The following LINGO2 variants were observed in gnomAD, a reference collection of about 807,000 sequenced individuals.
LINGO2 encodes leucine rich repeat and Ig domain containing 2, also known as leucine-rich repeat and immunoglobulin-like domain-containing nogo receptor-interacting protein 2.
In LINGO2, 14 loss-of-function variants were observed where a neutral mutation model predicts 30.6. The ratio of observed to expected loss-of-function variants is 0.46; its 90% confidence interval spans 0.30 to 0.72. The LOEUF (loss-of-function observed/expected upper bound fraction) is 0.72, where lower values mean the gene tolerates loss of function less well. LINGO2 is among the 30% of genes least tolerant of loss of function. The probability of loss-of-function intolerance (pLI) is 0.07; values close to 1 mark genes in which losing one functional copy is unlikely to be tolerated. For synonymous variants in LINGO2, 317 were observed against 288.5 expected, an observed-to-expected ratio of 1.10 and a Z score of -1.00; for missense variants, 729 against 751.7, an observed-to-expected ratio of 0.97 and a Z score of 0.35.
chr9:29,159,559 T>G, the LINGO2 span, among the ~76,000 whole-genome samples: 1 of 152,140 alleles, frequency 6.6e-6, no homozygotes, highest in Non-Finnish European at 1.5e-5. Context: ...AAGTAACATT[T>G]TAAGAGTACT....
intron 1 of LINGO2, among the ~76,000 whole-genome samples, chr9:28,606,970 C>T (rs1218036223): frequency 1.3e-5 from 2 of 151,996 alleles, no homozygotes. Context: ...TTAGGAGCCC[C>T]TTATTTGTTC....
At chr9:28,093,640 TG>T (rs1455441913) in intron 4 of LINGO2, among the ~76,000 whole-genome samples, 1 of 152,062 alleles carries the variant, frequency 6.6e-6, no homozygotes, top group Admixed American at 6.6e-5. Context: ...CTTTTGTTCC[TG>T]GAAAATGGCT....
intron 1 of LINGO2, among the ~76,000 whole-genome samples, chr9:28,592,907 C>T (rs1315153159): frequency 6.6e-6 from 1 of 152,090 alleles, no homozygotes; most frequent in African/African-American, 2.4e-5. Flanking sequence ...CATCTATTGG[C>T]TCTCTGCCAC....
chr9:28,688,600 T>A, the LINGO2 span, among the ~76,000 whole-genome samples: 36 of 152,276 alleles, frequency 2.4e-4, no homozygotes, highest in African/African-American at 7.9e-4. Context: ...TTCAAAAGCC[T>A]AAAAGCTGTG....
the LINGO2 span, among the ~76,000 whole-genome samples, chr9:28,811,891 G>A: frequency 6.6e-6 from 1 of 152,110 alleles, no homozygotes; most frequent in East Asian, 1.9e-4. Context: ...ATCCATGAGA[G>A]CAAGGAACTC....
At chr9:28,357,568 T>C (rs757024837) in intron 3 of LINGO2, among the ~76,000 whole-genome samples, 1 of 152,060 alleles carries the variant, frequency 6.6e-6, no homozygotes, top group South Asian at 2.1e-4. Flanking sequence ...TATAACCATA[T>C]AGTATAAGCA....
the LINGO2 span, among the ~76,000 whole-genome samples, chr9:29,055,217 T>TCAA: frequency 7.1e-3 from 1,081 of 151,576 alleles, 10 homozygotes; most frequent in Non-Finnish European, 0.01. Flanking sequence ...AGACTCCATC[T>TCAA]CAACAACAAC....
At chr9:28,796,330 T>A in the LINGO2 span, among the ~76,000 whole-genome samples, 6 of 152,094 alleles carry the variant, frequency 3.9e-5, no homozygotes, top group African/African-American at 1.4e-4. Context: ...TGAATACAAC[T>A]TTGAATATAT....
the LINGO2 span, among the ~76,000 whole-genome samples, chr9:28,814,479 T>C: frequency 7.2e-5 from 11 of 152,182 alleles, no homozygotes; most frequent in Non-Finnish European, 1.3e-4. Context: ...GCCATGTCTC[T>C]TGCCAAGGTA....
At position 28,221,110 on chromosome 9, in the gene LINGO2, T is replaced by A. The variant is rs1455044425; in HGVS notation, c.-87+74098A>T. 1.3e-5 allele frequency among the ~76,000 whole-genome samples: 2 copies of A among 151,870 alleles called. 1 individual carries two copies. The highest frequency in any genetic ancestry group is 3.9e-4 in the East Asian group (2 of 5,152). On this transcript the variant is annotated intron_variant, in intron 4 of 5. Coordinates refer to ENST00000379992, the Ensembl canonical transcript of LINGO2. ...GTCAGGAGATCGAAACCATCCTCGC[T>A]AACACGGTGAAACCCCGTCTCTAAT...
intron 3 of LINGO2, among the ~76,000 whole-genome samples, chr9:28,313,204 T>A (rs1469297087): frequency 6.6e-6 from 1 of 152,194 alleles, no homozygotes; most frequent in Admixed American, 6.5e-5. Flanking sequence ...TAATTATATC[T>A]GGAAGCATAA....
intron 2 of LINGO2, among the ~76,000 whole-genome samples, chr9:28,433,244 A>T (rs1325435315): frequency 6.6e-6 from 1 of 151,932 alleles, no homozygotes; most frequent in East Asian, 1.9e-4. Flanking sequence ...AAATTATAAA[A>T]CCCACGCCTG....
intron 2 of LINGO2, among the ~76,000 whole-genome samples, chr9:28,473,135 T>C (rs565390268): frequency 6.6e-6 from 1 of 152,266 alleles, no homozygotes; most frequent in East Asian, 1.9e-4. Context: ...TAAAAATCTA[T>C]TGAAGTGTAG....
the LINGO2 span, among the ~76,000 whole-genome samples, chr9:28,800,969 G>A: frequency 6.6e-6 from 1 of 152,064 alleles, no homozygotes; most frequent in Non-Finnish European, 1.5e-5. Context: ...CATGCTGTAA[G>A]GTTGAGCAAC....
At chr9:28,968,014 CATTGG>C in the LINGO2 span, among the ~76,000 whole-genome samples, 1 of 152,098 alleles carries the variant, frequency 6.6e-6, no homozygotes, top group Non-Finnish European at 1.5e-5. Flanking sequence ...CCAAATTGAA[CATTGG>C]ATTGAACTTT....
chr9:29,006,422 C>A, the LINGO2 span, among the ~76,000 whole-genome samples: 2 of 152,060 alleles, frequency 1.3e-5, no homozygotes, highest in African/African-American at 4.8e-5. Flanking sequence ...ATTCATGCAT[C>A]TCTTTAATTA....
At chr9:28,766,452 A>AG in the LINGO2 span, among the ~76,000 whole-genome samples, 1 of 151,574 alleles carries the variant, frequency 6.6e-6, no homozygotes, top group Non-Finnish European at 1.5e-5. Context: ...GTGAAGAAAA[A>AG]AAAAAACCCT....
At chr9:29,147,021 G>A in the LINGO2 span, among the ~76,000 whole-genome samples, 3 of 151,986 alleles carry the variant, frequency 2.0e-5, no homozygotes, top group Admixed American at 6.6e-5. Flanking sequence ...CGTTAAACAC[G>A]CATCTGAACA....
At chr9:28,964,626 GAGACA>G in the LINGO2 span, among the ~76,000 whole-genome samples, 1 of 151,884 alleles carries the variant, frequency 6.6e-6, no homozygotes, top group African/African-American at 2.4e-5. Context: ...GATCATTGTA[GAGACA>G]AGGTAACCAG....
Sources: gnomAD v4.1 joint callset for allele counts (sites outside exome capture counted in the v4.1 genomes callset) on GRCh38, gnomAD v4.1.1 for gene constraint, MANE v1.5 for transcripts, NCBI Gene and HGNC (gene_info 2026-07-23, HGNC 2026-07-21) for gene names.